Variants in SFRP2 observed in about 807,000 individuals in gnomAD.
SFRP2 encodes secreted frizzled-related protein 2.
Under a neutral mutation model 26.0 loss-of-function variants are expected in SFRP2, and 16 were observed. The ratio of observed to expected loss-of-function variants is 0.61; its 90% CI spans 0.42 to 0.93. The LOEUF (loss-of-function observed/expected upper bound fraction) is 0.93. SFRP2 is among the 40% of genes least tolerant of loss of function. The probability of loss-of-function intolerance (pLI) is 0.00; values close to 1 mark genes in which losing one functional copy is unlikely to be tolerated. For missense variants in SFRP2, 343 were observed against 392.4 expected (o/e 0.87, Z 1.06); for synonymous variants, 173 against 167.3 (o/e 1.03, Z -0.26).
At chr4:153,784,501 C>T (rs969249469) in intron 2 of SFRP2, among the ~76,000 whole-genome samples, 2 of 152,166 alleles carry the variant, frequency 1.3e-5, no homozygotes, top group African/African-American at 4.8e-5. Context: ...CAGTGTGAAG[C>T]CTTTCCCAAC....
In SFRP2 at chr4:153,780,939, G is replaced by C. The variant is rs1366575214; in HGVS notation, c.*512C>G. The C allele has an allele frequency of 1.9e-5, 3 of 156,470 alleles. No homozygotes were observed. Among genetic ancestry groups the C allele is most frequent in the Non-Finnish European group, 4.3e-5 (3 of 70,498 alleles). The allele number at this position is 156,470 out of a possible 1,614,324, so 9.7% of individuals were successfully genotyped here. ...GGTATAAAATGATGAATTGTTGTAA[G>C]ACTTAGACACTGAGTCTCAGTCTGG... On this transcript the variant is annotated 3_prime_UTR_variant, in exon 3 of 3. Coordinates refer to ENST00000274063, the MANE Select transcript of SFRP2 (RefSeq NM_003013.3).
Position 153,788,785 on chromosome 4 carries a change from G to T in SFRP2, c.51C>A (p.Cys17Ter), listed in dbSNP as rs1455008597. The change falls in exon 1 of 3, where the codon TGC becomes TGA. Residue 17 changes from cysteine (C) to a stop codon, truncating the protein, a stop_gained. Transcript: ENST00000274063. LOFTEE classifies it high-confidence loss of function. The part of the protein sequence containing the change: ...SLLLLFLASH[C>*]CLGSARGLFL... Reference sequence around the variant, plus strand: ...AGAGCCCGCGCGCCGAGCCCAGGCAGCAGTGCGAGGCGAGGAAGAGCAGCA... The same window carrying T: ...AGAGCCCGCGCGCCGAGCCCAGGCATCAGTGCGAGGCGAGGAAGAGCAGCA... 2 of 1,608,496 alleles carry T rather than the reference G, an allele frequency of 1.2e-6. No homozygotes were observed.
intron 2 of SFRP2, among the ~76,000 whole-genome samples, chr4:153,785,658 C>T (rs1249264485): frequency 1.3e-5 from 2 of 150,150 alleles, no homozygotes; most frequent in African/African-American, 4.9e-5. Context: ...CAATGAGTCT[C>T]ACCTAACAAG....
At position 153,788,794 on chromosome 4, in the gene SFRP2, G is replaced by C; in HGVS notation, c.42C>G (p.Ala14=). 1 of 1,607,414 alleles carries C rather than the reference G, an allele frequency of 6.2e-7. No individual in the cohort carries two copies. The highest frequency in any genetic ancestry group is 1.3e-5 in the African/African-American group (1 of 75,028). The change falls in exon 1 of 3, where the codon GCC becomes GCG. Residue 14 remains alanine, a synonymous_variant. Transcript: ENST00000274063. Reference sequence around the variant, plus strand: ...GCGCCGAGCCCAGGCAGCAGTGCGAGGCGAGGAAGAGCAGCAGCAGCGAGC... The same window carrying C: ...GCGCCGAGCCCAGGCAGCAGTGCGACGCGAGGAAGAGCAGCAGCAGCGAGC... ...GPGSLLLLFL[A]SHCCLGSARG...
chr4:153,785,834 G>T (rs1291222653), intron 2 of SFRP2, 30 bp downstream of exon 2: 12 of 1,383,220 alleles, frequency 8.7e-6, no homozygotes, highest in Non-Finnish European at 1.2e-5. Flanking sequence ...TTCTGAATGT[G>T]AAATCTGTTG....
rs369336784 is a variant in SFRP2 at position 153,781,427 on chromosome 4, G to A, written c.*24C>T. On this transcript the variant is annotated 3_prime_UTR_variant, in exon 3 of 3. Coordinates refer to ENST00000274063, the MANE Select transcript of SFRP2 (RefSeq NM_003013.3). ...GTCAGCCGTGCTCTGGAGCAGGCCT[G>A]TCGGAGCCATCAGGATGCCGGGACT... 2 of 1,599,800 alleles carry A rather than the reference G, an allele frequency of 1.3e-6. No individual in the cohort carries two copies. Among genetic ancestry groups the A allele is most frequent in the African/African-American group, 1.3e-5 (1 of 74,818 alleles).
chr4:153,785,904 A>C lies in SFRP2; in HGVS notation c.543T>G (p.Asp181Glu), dbSNP rs1741198673. The change falls in exon 2 of 3, where the codon GAT becomes GAG. Residue 181 changes from aspartate to glutamate, a missense_variant. Coordinates refer to ENST00000274063, the MANE Select transcript of SFRP2 (RefSeq NM_003013.3). ...VCEACKNKND[D>E]DNDIMETLCK... Reference sequence around the variant, plus strand: ...AAAGCGTTTCCATTATGTCGTTGTCATCATCATTTTTATTTTTGCAGGCTT... The same window carrying C: ...AAAGCGTTTCCATTATGTCGTTGTCCTCATCATTTTTATTTTTGCAGGCTT... 1 of 1,604,668 alleles carries C rather than the reference A, an allele frequency of 6.2e-7. No individual in the cohort carries two copies. The highest frequency in any genetic ancestry group is 8.5e-7 in the Non-Finnish European group (1 of 1,175,998).
chr4:153,782,515 C>T (rs190281766), intron 2 of SFRP2, among the ~76,000 whole-genome samples: 3 of 152,174 alleles, frequency 2.0e-5, no homozygotes, highest in Admixed American at 6.5e-5. Context: ...ATAAAGGACA[C>T]GTTTTATAGT....
At chr4:153,785,410 G>T (rs774525604) in intron 2 of SFRP2, among the ~76,000 whole-genome samples, 19 of 151,852 alleles carry the variant, frequency 1.3e-4, no homozygotes, top group Non-Finnish European at 1.8e-4. Flanking sequence ...ATCATTATGG[G>T]TTATAAAGAA....
At position 153,784,517 on chromosome 4, in the gene SFRP2, G is replaced by C. The variant is rs1379493104; in HGVS notation, c.583+1347C>G. ...AGTGTGAAGCCTTTCCCAACACCGG[G>C]ACTATGGTAGTTCTGGGACCAGTCA... On this transcript the variant is annotated intron_variant, in intron 2 of 2. Transcript: ENST00000274063. Among the ~76,000 whole-genome samples, 9 of 152,300 alleles carry C rather than the reference G, an allele frequency of 5.9e-5. No individual in the cohort carries two copies. In the East Asian group the frequency reaches 1.7e-3, roughly 29 times the overall value.
Position 153,785,955 on chromosome 4 carries a change from G to GA in SFRP2, c.503-12dup, listed in dbSNP as rs767413214. 1.3e-5 allele frequency: 20 copies of GA among 1,570,132 alleles called. No homozygotes were observed. In the South Asian group the frequency reaches 2.4e-4, roughly 18 times the overall value. ...CACATACCTTTGGAGCTAGAAATGT[G>GA]AAAAACAGTCTTTAGTAAGTTTGCT... On this transcript the variant is annotated splice_polypyrimidine_tract_variant and intron_variant, in intron 1 of 2. Coordinates refer to ENST00000274063, the MANE Select transcript of SFRP2 (RefSeq NM_003013.3).
chr4:153,786,968 G>A (rs1741220857), intron 1 of SFRP2, among the ~76,000 whole-genome samples: 2 of 151,692 alleles, frequency 1.3e-5, no homozygotes, highest in African/African-American at 2.4e-5. Context: ...GAAATTTAAT[G>A]TTCATAGAAA....
In SFRP2 at chr4:153,788,906, TTG is replaced by T; in HGVS notation, c.-73_-72del. ...AGGGCGAGGCGGCCGGAGTTCGAGC[TTG>T]TCCCGGGCCCGCTCTCTTCGCTGGG... On this transcript the variant is annotated 5_prime_UTR_variant, in exon 1 of 3. Transcript: ENST00000274063. 6.8e-7 allele frequency: 1 copy of T among 1,460,244 alleles called. No homozygotes were observed. The highest frequency in any genetic ancestry group is 2.5e-5 in the East Asian group (1 of 40,292). 90.5% of individuals were successfully genotyped at this position (1,460,244 alleles called of 1,614,324 possible).
At chr4:153,787,684 T>A (rs1741232959) in intron 1 of SFRP2, among the ~76,000 whole-genome samples, 1 of 152,240 alleles carries the variant, frequency 6.6e-6, no homozygotes, top group Non-Finnish European at 1.5e-5. Flanking sequence ...TTTCCAGAGA[T>A]TCCCTTTATG....
chr4:153,781,307 A>C lies in SFRP2; in HGVS notation c.*144T>G, dbSNP rs980955492. On this transcript the variant is annotated 3_prime_UTR_variant, in exon 3 of 3. Coordinates refer to ENST00000274063, the MANE Select transcript of SFRP2 (RefSeq NM_003013.3). ...TAACTCAGGAAATGCTGGGGATGCA[A>C]ACGTGCAAAAGGCAGGGGGAAGCTG... is the stretch of plus-strand genomic sequence containing the variant. 1 of 687,244 alleles carries C rather than the reference A, an allele frequency of 1.5e-6. No homozygotes were observed. Among genetic ancestry groups the C allele is most frequent in the African/African-American group, 1.8e-5 (1 of 55,684 alleles). 42.6% of individuals were successfully genotyped at this position (687,244 alleles called of 1,614,324 possible).
rs777535378 is a variant in SFRP2, at chr4:153,788,843, G to A, written c.-8C>T. 7 of 1,577,044 alleles carry A rather than the reference G, an allele frequency of 4.4e-6. No homozygotes were observed. The highest frequency in any genetic ancestry group is 3.5e-5 in the Admixed American group (2 of 57,016). ...GCCAGGGCCCTGCAGCATCGTGGGC[G>A]CGCGACCCCGAGGGGGCAGAGGGAG... is the stretch of plus-strand genomic sequence containing the variant. On this transcript the variant is annotated 5_prime_UTR_variant, in exon 1 of 3. Coordinates refer to ENST00000274063, the MANE Select transcript of SFRP2 (RefSeq NM_003013.3).
Position 153,788,582 on chromosome 4 carries a change from T to A in SFRP2, c.254A>T (p.Lys85Met). The A allele has an allele frequency of 6.2e-7, 1 of 1,614,134 alleles. No individual in the cohort carries two copies. Among genetic ancestry groups the A allele is most frequent in the Non-Finnish European group, 8.5e-7 (1 of 1,180,004 alleles). The change falls in exon 1 of 3, where the codon AAG becomes ATG. Residue 85 changes from lysine to methionine, a missense_variant. Lys to Met is a moderately conservative substitution (Grantham distance 95). Transcript: ENST00000274063. Reference protein sequence around the residue: ...QAGAWIPLVMKQCHPDTKKFL... With the variant: ...QAGAWIPLVMMQCHPDTKKFL... Reference sequence around the variant, plus strand: ...CTTCTTGGTGTCCGGGTGGCACTGCTTCATGACCAGCGGGATCCAAGCGCC... The same window carrying A: ...CTTCTTGGTGTCCGGGTGGCACTGCATCATGACCAGCGGGATCCAAGCGCC...
In SFRP2 at chr4:153,788,331, T is replaced by C. The variant is rs755873100; in HGVS notation, c.502+3A>G. On this transcript the variant is annotated splice_donor_region_variant and intron_variant, in intron 1 of 2. Transcript: ENST00000274063. ...GAGTGGGGAAGCAAGAGGGAAGGCT[T>C]ACCTTCCTCGGTGGCTGGCAGGAGG... 6.2e-7 allele frequency: 1 copy of C among 1,609,052 alleles called. No individual in the cohort carries two copies. The highest frequency in any genetic ancestry group is 8.5e-7 in the Non-Finnish European group (1 of 1,176,890).
Position 153,781,348 on chromosome 4 carries a change from G to C in SFRP2, c.*103C>G. 1 of 1,066,748 alleles carries C rather than the reference G, an allele frequency of 9.4e-7. No individual in the cohort carries two copies. Among genetic ancestry groups the C allele is most frequent in the East Asian group, 2.4e-5 (1 of 41,394 alleles). The allele number at this position is 1,066,748 out of a possible 1,614,324, so 66.1% of individuals were successfully genotyped here. A position where few individuals can be genotyped will look rare whatever the true frequency, so the allele number is the denominator to read the frequency against. On this transcript the variant is annotated 3_prime_UTR_variant, in exon 3 of 3. Coordinates refer to ENST00000274063, the MANE Select transcript of SFRP2 (RefSeq NM_003013.3). ...GGGGAAGCTGCCCAGGCTGAGACTG[G>C]AGCAGCTAGGAGTGTGCTTGGGGAA...
Sources: gnomAD v4.1 joint callset for allele counts (sites outside exome capture counted in the v4.1 genomes callset) on GRCh38, gnomAD v4.1.1 for gene constraint, MANE v1.5 for transcripts, NCBI Gene and HGNC (gene_info 2026-07-23, HGNC 2026-07-21) for gene names.